STAB1: variants seen among roughly 807,000 people sequenced by gnomAD.
STAB1 encodes the protein stabilin 1, also known as stabilin-1.
In STAB1, 250 loss-of-function variants were observed where a neutral mutation model predicts 332.4. That is an observed-to-expected ratio of 0.75 (90% CI 0.68 to 0.84). STAB1 has a LOEUF of 0.84. Ranked by LOEUF, STAB1 falls within the 40% of genes least tolerant of loss-of-function variation. The pLI is 0.00. For missense variants in STAB1, 3,249 were observed against 3,489.7 expected, an observed-to-expected ratio of 0.93 and a Z score of 1.74; for synonymous variants, 1,475 against 1,390.4, an observed-to-expected ratio of 1.06 and a Z score of -1.35.
At chr3:52,502,487 C>A in intron 5 of STAB1, 145 bp from the exon 6 acceptor site, 2 of 819,120 alleles carry the variant, frequency 2.4e-6, no homozygotes, top group South Asian at 1.7e-5. Context: ...TCCCACCACC[C>A]CTGTGGTCCC....
At chr3:52,519,014 C>A in intron 48 of STAB1, 145 bp downstream of exon 48, 1 of 1,120,052 alleles carries the variant, frequency 8.9e-7, no homozygotes, top group South Asian at 1.6e-5. Flanking sequence ...GCCCGGGACT[C>A]CGCCCTTGAC....
Position 52,495,345 on chromosome 3 carries a change from T to A in STAB1, c.-69T>A. On this transcript the variant is annotated 5_prime_UTR_variant, in exon 1 of 69. Transcript: ENST00000321725. ...CTGCCCGCCCCGTCCCGCCTGCCTG[T>A]GCTGTGCCTGCCTCCTAGAGCTCAT... The A allele has an allele frequency of 3.3e-5, 40 of 1,206,276 alleles. No homozygotes were observed. Among genetic ancestry groups the A allele is most frequent in the Non-Finnish European group, 4.1e-5 (39 of 946,448 alleles). 74.7% of individuals were successfully genotyped at this position (1,206,276 alleles called of 1,614,324 possible). A position where few individuals can be genotyped will look rare whatever the true frequency, so the allele number is the denominator to read the frequency against.
chr3:52,514,825 T>C lies in STAB1; in HGVS notation c.3803T>C (p.Leu1268Pro). 1 of 1,612,856 alleles carries C rather than the reference T, an allele frequency of 6.2e-7. No homozygotes were observed. The highest frequency in any genetic ancestry group is 1.1e-5 in the South Asian group (1 of 91,080). Reference protein sequence around the residue: ...SRCLHSHAEALREKCVNCTRR... With the variant: ...SRCLHSHAEAPREKCVNCTRR... ...TGCCTGCATAGCCACGCTGAGGCCC[T>C]GCGGGTGAGAGGCTGGGGCCACAGG... is the stretch of plus-strand genomic sequence containing the variant. Residue 1268 changes from leucine (L) to proline (P), a missense_variant, in exon 35 of 69, where the codon CTG becomes CCG. Transcript: ENST00000321725.
intron 12 of STAB1, 41 bp from the exon 13 acceptor site, chr3:52,504,962 C>T (rs757701538): frequency 1.9e-6 from 3 of 1,612,340 alleles, no homozygotes; most frequent in Non-Finnish European, 2.5e-6. Context: ...GGACAGGGGG[C>T]TGGCATATGG....
chr3:52,509,753 C>A, intron 22 of STAB1, 117 bp from the exon 23 acceptor site: 1 of 1,115,762 alleles, frequency 9.0e-7, no homozygotes, highest in Non-Finnish European at 1.3e-6. Flanking sequence ...ATTTTTCCAC[C>A]CTGAAGTCAA....
rs1575346680 is a variant in STAB1, at chr3:52,516,252, A to AGGGGGGGGGGGGGGG, written c.4144+18_4144+19insGGGGGGGGGGGGGGG. On this transcript the variant is annotated intron_variant, in intron 38 of 68. Transcript: ENST00000321725. The stretch of plus-strand genomic sequence containing the variant: ...ACTGCACCGGAGGTGAGGACTGGGG[A>AGGGGGGGGGGGGGGG]GGGGCGGGGGTGGGCCTCCTGGCAG... The AGGGGGGGGGGGGGGG allele has an allele frequency of 1.3e-6, 1 of 747,632 alleles. No individual in the cohort carries two copies. The highest frequency in any genetic ancestry group is 2.3e-5 in the Admixed American group (1 of 44,008). 46.3% of individuals were successfully genotyped at this position (747,632 alleles called of 1,614,324 possible). A position where few individuals can be genotyped will look rare whatever the true frequency, so the allele number is the denominator to read the frequency against.
At position 52,513,640 on chromosome 3, in the gene STAB1, T is replaced by G. The variant is rs1242818709; in HGVS notation, c.3271-77T>G. On this transcript the variant is annotated intron_variant, in intron 30 of 68. Transcript: ENST00000321725. ...CTGTGGGTGCCTGTGTGCCTGGCAG[T>G]CTCTCTGTTGGGGCTGCCCCACCTT... The G allele has an allele frequency of 2.0e-5, 29 of 1,450,676 alleles. 1 individual carries two copies. In the South Asian group the frequency reaches 3.4e-4, roughly 17 times the overall value. 89.9% of individuals were successfully genotyped at this position (1,450,676 alleles called of 1,614,324 possible). A position where few individuals can be genotyped will look rare whatever the true frequency, so the allele number is the denominator to read the frequency against.
At chr3:52,503,567 GT>G in intron 8 of STAB1, 27 bp downstream of exon 8, 1 of 1,606,628 alleles carries the variant, frequency 6.2e-7, no homozygotes, top group East Asian at 2.2e-5. Context: ...GGCCGGAACT[GT>G]CCCCACAGTG....
At chr3:52,501,503 G>A (rs2153232905) in intron 2 of STAB1, 135 bp from the exon 3 acceptor site, 1 of 1,091,276 alleles carries the variant, frequency 9.2e-7, no homozygotes, top group Non-Finnish European at 1.3e-6. Flanking sequence ...CCTGCTATGT[G>A]CTAGGCCCTG....
At position 52,505,723 on chromosome 3, in the gene STAB1, C is replaced by T. The variant is rs1708803996; in HGVS notation, c.1637C>T (p.Pro546Leu). Residue 546 changes from proline to leucine, a missense_variant, in exon 15 of 69, where the codon CCA becomes CTA. Physicochemically the swap from Pro to Leu is moderately conservative, Grantham distance 98 (BLOSUM62 -3). Transcript: ENST00000321725. Reference sequence around the variant, plus strand: ...CCTGGGCCCTTCACAGTCTTTGCCCCAAGCAATGAGGCTGTGGACAGCTTG... The same window carrying T: ...CCTGGGCCCTTCACAGTCTTTGCCCTAAGCAATGAGGCTGTGGACAGCTTG... ...DGPGPFTVFA[P>L]SNEAVDSLRD... is the part of the protein sequence containing the mutation. 6.2e-7 allele frequency: 1 copy of T among 1,613,784 alleles called. No individual in the cohort carries two copies. Among genetic ancestry groups the T allele is most frequent in the Non-Finnish European group, 8.5e-7 (1 of 1,180,046 alleles).
In STAB1 at chr3:52,502,497, C is replaced by T. The variant is rs894964752; in HGVS notation, c.488-135C>T. On this transcript the variant is annotated intron_variant, in intron 5 of 68. Coordinates refer to ENST00000321725, the MANE Select transcript of STAB1 (RefSeq NM_015136.3). Reference sequence around the variant, plus strand: ...TGGTCTCCCACCACCCCTGTGGTCCCGCATCACAGCTCTGTACTCTTAAGG... The same window carrying T: ...TGGTCTCCCACCACCCCTGTGGTCCTGCATCACAGCTCTGTACTCTTAAGG... 9.2e-5 allele frequency: 79 copies of T among 855,442 alleles called. 1 individual carries two copies. The highest frequency in any genetic ancestry group is 8.5e-4 in the South Asian group (51 of 59,994). The allele number at this position is 855,442 out of a possible 1,614,324, so 53.0% of individuals were successfully genotyped here.
rs1357119849 is a variant in STAB1, at chr3:52,501,695, C to T, written c.273C>T (p.Cys91=). 1 of 1,582,484 alleles carries T rather than the reference C, an allele frequency of 6.3e-7. No individual in the cohort carries two copies. Among genetic ancestry groups the T allele is most frequent in the East Asian group, 2.3e-5 (1 of 42,838 alleles). The part of the protein sequence containing the change: ...MVSMSGCRRK[C]RKQVVQKACC... ...CCATGAGCGGCTGCAGACGGAAGTG[C>T]CGGAAGCAAGTGGTGCAGAAGGCCT... Residue 91 remains cysteine (C), a synonymous_variant, in exon 3 of 69, where the codon TGC becomes TGT. Transcript: ENST00000321725.
chr3:52,509,230 C>T lies in STAB1; in HGVS notation c.2256C>T (p.Gly752=), dbSNP rs1182518858. Residue 752 remains glycine (G), a synonymous_variant, in exon 22 of 69, where the codon GGC becomes GGT. Coordinates refer to ENST00000321725, the MANE Select transcript of STAB1 (RefSeq NM_015136.3). ...TCTAGTGCAGTGATGGGATCCAGGG[C>T]AATGGGGCCTGCCTCTGCTTCCCAG... The part of the protein sequence containing the change: ...GKGNCSDGIQ[G]NGACLCFPDY... 6.2e-7 allele frequency: 1 copy of T among 1,613,594 alleles called. No homozygotes were observed. Among genetic ancestry groups the T allele is most frequent in the East Asian group, 2.2e-5 (1 of 44,886 alleles).
intron 27 of STAB1, 43 bp downstream of exon 27, chr3:52,512,479 G>A: frequency 6.2e-7 from 1 of 1,610,390 alleles, no homozygotes; most frequent in Non-Finnish European, 8.5e-7. Flanking sequence ...CCCGTGCTTG[G>A]GAAGGAGCCC....
At chr3:52,523,376 C>T (rs1424763536) in intron 64 of STAB1, 35 bp downstream of exon 64, 1 of 1,609,116 alleles carries the variant, frequency 6.2e-7, no homozygotes. Flanking sequence ...GCAGAGCCTG[C>T]ATTGGCCATC....
chr3:52,514,535 C>G (rs1709540728), intron 34 of STAB1, 39 bp downstream of exon 34: 1 of 1,527,636 alleles, frequency 6.5e-7, no homozygotes, highest in Non-Finnish European at 8.8e-7. Flanking sequence ...TAGCCCGGGC[C>G]CCTACCCCTG....
intron 25 of STAB1, 47 bp downstream of exon 25, chr3:52,510,554 C>T (rs536342200): frequency 6.3e-7 from 1 of 1,581,390 alleles, no homozygotes; most frequent in Non-Finnish European, 8.6e-7. Flanking sequence ...CTGGGGGACT[C>T]TCTCCCTGCC....
chr3:52,510,034 G>C lies in STAB1; in HGVS notation c.2512G>C (p.Val838Leu). 1 of 1,608,886 alleles carries C rather than the reference G, an allele frequency of 6.2e-7. No homozygotes were observed. Among genetic ancestry groups the C allele is most frequent in the Non-Finnish European group, 8.5e-7 (1 of 1,177,010 alleles). ...GCACTGCCACCTGCATGCCCGCTGT[G>C]TTAGCCAGGAGGGTGTTGCCAGGTG... ...AQHCHLHARC[V>L]SQEGVARCRC... The change falls in exon 23 of 69, where the codon GTT (valine) becomes CTT (leucine). Residue 838 changes from valine to leucine, a missense_variant. By Grantham distance (32) the Val-to-Leu change is conservative (BLOSUM62 1). Coordinates refer to ENST00000321725, the MANE Select transcript of STAB1 (RefSeq NM_015136.3).
At chr3:52,505,227 A>C (rs1708762011) in intron 13 of STAB1, 84 bp downstream of exon 13, 6 of 1,604,200 alleles carry the variant, frequency 3.7e-6, no homozygotes, top group Non-Finnish European at 3.4e-6. Flanking sequence ...GGCAGGAGCC[A>C]TTCTACTCAG....
Sources: gnomAD v4.1 joint callset for allele counts on GRCh38, gnomAD v4.1.1 for gene constraint, MANE v1.5 for transcripts, NCBI Gene and HGNC (gene_info 2026-07-23, HGNC 2026-07-21) for gene names.